Variants in JPH1 observed in about 807,000 individuals in gnomAD.
JPH1 encodes the protein junctophilin 1, also known as junctophilin-1.
In JPH1, 12 loss-of-function variants were observed where a neutral mutation model predicts 53.6. That is an observed-to-expected ratio of 0.22 (90% CI 0.14 to 0.36). The LOEUF is 0.36. Ranked by LOEUF, JPH1 falls within the 10% of genes least tolerant of loss-of-function variation. JPH1 has a pLI of 1.00. For missense variants in JPH1, 808 were observed against 905.5 expected, an observed-to-expected ratio of 0.89 and a Z score of 1.38; for synonymous variants, 375 against 363.8, an observed-to-expected ratio of 1.03 and a Z score of -0.35.
intron 1 of JPH1, among the ~76,000 whole-genome samples, chr8:74,317,284 A>G (rs1014123625): frequency 1.2e-4 from 18 of 152,328 alleles, no homozygotes; most frequent in Admixed American, 3.9e-4. Context: ...GTAGATATAC[A>G]ATGAAATACT....
At chr8:74,265,172 T>C (rs750260915) in intron 2 of JPH1, among the ~76,000 whole-genome samples, 3 of 152,212 alleles carry the variant, frequency 2.0e-5, no homozygotes, top group Non-Finnish European at 4.4e-5. Context: ...GCTCTTGTAA[T>C]ACTAAGTTTT....
chr8:74,246,451 C>T (rs151155944), intron 3 of JPH1, among the ~76,000 whole-genome samples: 8 of 152,250 alleles, frequency 5.3e-5, no homozygotes, highest in Middle Eastern at 3.4e-3. Context: ...TGTAATTGCT[C>T]TTCCCATGGT....
chr8:74,257,439 G>A (rs1409815662), intron 3 of JPH1, among the ~76,000 whole-genome samples: 2 of 152,130 alleles, frequency 1.3e-5, no homozygotes, highest in African/African-American at 4.8e-5. Context: ...TTCCCCAACA[G>A]AATTAACAGA....
intron 2 of JPH1, among the ~76,000 whole-genome samples, chr8:74,307,912 T>C (rs1390717444): frequency 6.6e-6 from 1 of 152,184 alleles, no homozygotes; most frequent in Non-Finnish European, 1.5e-5. Context: ...ATATTGGTAA[T>C]AGTCAGTTTA....
chr8:74,276,742 A>G (rs1217874367), intron 2 of JPH1, among the ~76,000 whole-genome samples: 1 of 152,188 alleles, frequency 6.6e-6, no homozygotes, highest in Non-Finnish European at 1.5e-5. Context: ...GTCGAGCTGT[A>G]GATTTTTCCT....
chr8:74,300,846 C>T (rs1287877069), intron 2 of JPH1, among the ~76,000 whole-genome samples: 1 of 152,170 alleles, frequency 6.6e-6, no homozygotes, highest in African/African-American at 2.4e-5. Flanking sequence ...CACTTCCTCA[C>T]CCGTTTCATT....
chr8:74,267,859 A>G lies in JPH1; in HGVS notation c.1140-8356T>C, dbSNP rs149004537. On this transcript the variant is annotated intron_variant, in intron 2 of 5. Transcript: ENST00000342232. ...ATGAAGCAGCTCTGAAAAGGTGACA[A>G]TTGCTGGAGTTAAGTGCTGGATGAG... Among the ~76,000 whole-genome samples the G allele has an allele frequency of 1.2e-4, 18 of 152,322 alleles. No individual in the cohort carries two copies. In the East Asian group the frequency reaches 3.5e-3, roughly 29 times the overall value.
At chr8:74,276,915 CT>C in intron 2 of JPH1, among the ~76,000 whole-genome samples, 1 of 152,254 alleles carries the variant, frequency 6.6e-6, no homozygotes, top group South Asian at 2.1e-4. Flanking sequence ...ATATAATGAC[CT>C]TTTAAGAGAT....
chr8:74,266,224 T>G (rs1406266405), intron 2 of JPH1, among the ~76,000 whole-genome samples: 2 of 152,086 alleles, frequency 1.3e-5, no homozygotes, highest in African/African-American at 2.4e-5. Context: ...GCAATCCTAA[T>G]GTCAATGAAT....
intron 4 of JPH1, among the ~76,000 whole-genome samples, chr8:74,241,267 T>C (rs575496454): frequency 4.6e-5 from 7 of 152,314 alleles, no homozygotes; most frequent in East Asian, 1.9e-4. Flanking sequence ...CAGTGGCAGA[T>C]ACCAAGCCCT....
At chr8:74,293,781 G>C (rs937990444) in intron 2 of JPH1, among the ~76,000 whole-genome samples, 1 of 152,108 alleles carries the variant, frequency 6.6e-6, no homozygotes, top group African/African-American at 2.4e-5. Context: ...AGAGGGGAGG[G>C]CACTTTATCA....
chr8:74,242,225 T>C (rs186039799), intron 4 of JPH1, among the ~76,000 whole-genome samples: 1 of 152,244 alleles, frequency 6.6e-6, no homozygotes, highest in African/African-American at 2.4e-5. Flanking sequence ...TCAGATCTAC[T>C]TGAATATTTC....
rs966068487 is a variant in JPH1 at position 74,236,915 on chromosome 8, C to T, written c.*136G>A. 1.3e-4 allele frequency: 32 copies of T among 239,864 alleles called. No individual in the cohort carries two copies. The highest frequency in any genetic ancestry group is 1.8e-4 in the Non-Finnish European group (22 of 125,602). 14.9% of individuals were successfully genotyped at this position (239,864 alleles called of 1,614,324 possible). A position where few individuals can be genotyped will look rare whatever the true frequency, so the allele number is the denominator to read the frequency against. On this transcript the variant is annotated 3_prime_UTR_variant, in exon 6 of 6. Coordinates refer to ENST00000342232, the MANE Select transcript of JPH1 (RefSeq NM_020647.4). ...TCCAAGTTTCATCTCTCTCGCGATC[C>T]CATCCTAATTCCAAGCCTCCTTCCC...
chr8:74,259,216 C>T (rs555388799), intron 3 of JPH1, among the ~76,000 whole-genome samples, 169 bp downstream of exon 3: 2 of 152,226 alleles, frequency 1.3e-5, no homozygotes, highest in South Asian at 4.1e-4. Flanking sequence ...CACTTCTGGT[C>T]CCAAGCACTT....
At chr8:74,262,719 T>C (rs1256034222) in intron 2 of JPH1, among the ~76,000 whole-genome samples, 1 of 152,236 alleles carries the variant, frequency 6.6e-6, no homozygotes, top group Non-Finnish European at 1.5e-5. Flanking sequence ...ACCGAATTTT[T>C]AACTTGTGAA....
chr8:74,287,476 G>C (rs985771544), intron 2 of JPH1, among the ~76,000 whole-genome samples: 5 of 151,812 alleles, frequency 3.3e-5, no homozygotes, highest in African/African-American at 1.2e-4. Flanking sequence ...TAATGTTAAG[G>C]AAAAAAGGTT....
chr8:74,282,409 T>C (rs1807039153), intron 2 of JPH1, among the ~76,000 whole-genome samples: 1 of 152,212 alleles, frequency 6.6e-6, no homozygotes, highest in Non-Finnish European at 1.5e-5. Flanking sequence ...CCATACCCTA[T>C]TGGAAAGCTT....
chr8:74,308,010 G>A (rs1310777743), intron 2 of JPH1, among the ~76,000 whole-genome samples: 1 of 152,174 alleles, frequency 6.6e-6, no homozygotes, highest in Non-Finnish European at 1.5e-5. Flanking sequence ...AAGTGATCTT[G>A]TGAATAACTG....
intron 3 of JPH1, among the ~76,000 whole-genome samples, chr8:74,256,899 C>T (rs1456001185): frequency 6.6e-6 from 1 of 152,132 alleles, no homozygotes; most frequent in African/African-American, 2.4e-5. Context: ...ATCTTTTATT[C>T]CAGGGTTAAC....
Sources: allele counts gnomAD v4.1 joint callset (sites outside exome capture counted in the v4.1 genomes callset), GRCh38; gene constraint gnomAD v4.1.1; transcripts MANE v1.5; gene names NCBI Gene and HGNC (gene_info 2026-07-23, HGNC 2026-07-21).